Variants in SHANK2 observed in about 807,000 individuals in gnomAD.
SHANK2 encodes the protein SH3 and multiple ankyrin repeat domains protein 2.
In SHANK2, 43 loss-of-function variants were observed where a neutral mutation model predicts 133.7. The ratio of observed to expected loss-of-function variants is 0.32; its 90% CI spans 0.25 to 0.41. The LOEUF is 0.41. Ranked by LOEUF, SHANK2 falls within the 10% of genes least tolerant of loss-of-function variation. The probability of loss-of-function intolerance (pLI) is 1.00; values close to 1 mark genes in which losing one functional copy is unlikely to be tolerated. For missense variants in SHANK2, 1,994 were observed against 2,235.8 expected (o/e 0.89, Z 2.18); for synonymous variants, 1,017 against 952.8 (o/e 1.07, Z -1.24).
chr11:71,121,835 G>T (rs1555101530), intron 3 of SHANK2, among the ~76,000 whole-genome samples: 5 of 152,206 alleles, frequency 3.3e-5, no homozygotes. Flanking sequence ...AGTGGGCAAA[G>T]GATATGAACA....
In SHANK2 at chr11:71,133,444, G is replaced by A. The variant is rs149077589; in HGVS notation, c.207+13676C>T. Among the ~76,000 whole-genome samples, 1,123 of 145,130 alleles carry A rather than the reference G, an allele frequency of 7.7e-3. 43 individuals carry two copies. Among genetic ancestry groups the A allele is most frequent in the African/African-American group, 0.029 (1,060 of 36,082 alleles). On this transcript the variant is annotated intron_variant, in intron 3 of 25. Coordinates refer to ENST00000601538, the MANE Select transcript of SHANK2 (RefSeq NM_012309.5). ...CAGATGGAGGGAGGGAGGGAGGGAC[G>A]GACGGACAGACGGAGGGAGGGAGGG...
intron 17 of SHANK2, among the ~76,000 whole-genome samples, chr11:70,508,233 C>T (rs2059158716): frequency 6.6e-6 from 1 of 152,240 alleles, no homozygotes; most frequent in Admixed American, 6.5e-5. Flanking sequence ...GCTGGGCACA[C>T]ACCTGCCCTG....
intron 17 of SHANK2, among the ~76,000 whole-genome samples, chr11:70,593,752 G>A (rs981929562): frequency 2.6e-5 from 4 of 152,176 alleles, no homozygotes; most frequent in Non-Finnish European, 5.9e-5. Flanking sequence ...CCACCTTCTC[G>A]AGTGACAAGG....
At chr11:70,663,728 G>C (rs1313480404) in intron 15 of SHANK2, among the ~76,000 whole-genome samples, 3 of 152,158 alleles carry the variant, frequency 2.0e-5, no homozygotes. Context: ...TCCACTCTGG[G>C]GAACTCGGTC....
At chr11:71,059,644 C>A (rs1423899167) in intron 9 of SHANK2, among the ~76,000 whole-genome samples, 3 of 152,150 alleles carry the variant, frequency 2.0e-5, no homozygotes, top group African/African-American at 7.2e-5. Flanking sequence ...GGGTGGGGAG[C>A]CCACCAGGCC....
rs543882462 is a variant in SHANK2 at position 71,245,608 on chromosome 11, T to C, written c.-113+6817A>G. On this transcript the variant is annotated intron_variant, in intron 1 of 25. Coordinates refer to ENST00000601538, the MANE Select transcript of SHANK2 (RefSeq NM_012309.5). Reference sequence around the variant, plus strand: ...GAGGCCGGGGAAGCGACCGGTGCCTTCTTCTGCACGGTGGAGTGGGCAGCC... The same window carrying C: ...GAGGCCGGGGAAGCGACCGGTGCCTCCTTCTGCACGGTGGAGTGGGCAGCC... Among the ~76,000 whole-genome samples, 6 of 152,336 alleles carry C rather than the reference T, an allele frequency of 3.9e-5. No individual in the cohort carries two copies. In the East Asian group the frequency reaches 9.7e-4, roughly 25 times the overall value.
intron 17 of SHANK2, among the ~76,000 whole-genome samples, chr11:70,531,928 C>T (rs1016969133): frequency 7.2e-5 from 11 of 152,182 alleles, no homozygotes; most frequent in African/African-American, 2.7e-4. Context: ...ACAGTAGGGA[C>T]CAGATCTCTC....
intron 17 of SHANK2, chr11:70,566,541 C>G (rs1197216195): frequency 6.6e-6 from 1 of 152,214 alleles, no homozygotes; most frequent in Admixed American, 6.5e-5. Flanking sequence ...ACTGTCTGAA[C>G]CGCAACATGG....
intron 17 of SHANK2, among the ~76,000 whole-genome samples, chr11:70,558,118 A>C (rs1196220857): frequency 6.6e-6 from 1 of 152,062 alleles, no homozygotes; most frequent in Non-Finnish European, 1.5e-5. Flanking sequence ...CCAGCTGCCC[A>C]CCAAGGAGGC....
intron 17 of SHANK2, among the ~76,000 whole-genome samples, chr11:70,568,039 C>T (rs1435506155): frequency 1.3e-5 from 2 of 152,184 alleles, no homozygotes; most frequent in Non-Finnish European, 2.9e-5. Context: ...AGCTGATGGC[C>T]AGTACTGGAG....
At chr11:70,748,668 C>T (rs1283551145) in intron 14 of SHANK2, among the ~76,000 whole-genome samples, 2 of 152,196 alleles carry the variant, frequency 1.3e-5, no homozygotes, top group Admixed American at 1.3e-4. Flanking sequence ...ATACCCACCC[C>T]CAATATAATT....
intron 2 of SHANK2, among the ~76,000 whole-genome samples, chr11:71,214,055 C>T (rs138327557): frequency 6.6e-6 from 1 of 152,282 alleles, no homozygotes; most frequent in Non-Finnish European, 1.5e-5. Flanking sequence ...CCCTACAGCC[C>T]CAGGCCTGCT....
rs1216153003 is a variant in SHANK2 at position 71,083,983 on chromosome 11, G to GA, written c.912+8438_912+8439insT. 1.4e-3 allele frequency among the ~76,000 whole-genome samples: 205 copies of GA among 150,210 alleles called. 1 individual carries two copies. The highest frequency in any genetic ancestry group is 4.5e-3 in the African/African-American group (183 of 40,824). On this transcript the variant is annotated intron_variant, in intron 8 of 25. Transcript: ENST00000601538. ...ATTTGAATAACAACTTTTTTTTGGG[G>GA]GGGGGAGACAGAGTCTTGCTCTGTC... is the stretch of plus-strand genomic sequence containing the variant.
At chr11:70,888,405 T>A (rs1435950789) in intron 11 of SHANK2, among the ~76,000 whole-genome samples, 1 of 152,044 alleles carries the variant, frequency 6.6e-6, no homozygotes, top group Non-Finnish European at 1.5e-5. Context: ...AATGTTCGAG[T>A]CAGATAAAAC....
intron 9 of SHANK2, among the ~76,000 whole-genome samples, chr11:71,066,078 T>C: frequency 1.1e-5 from 1 of 91,010 alleles, no homozygotes; most frequent in African/African-American, 4.2e-5. Flanking sequence ...GAGCAGTGAG[T>C]GGGGAAGTTG....
At chr11:71,068,666 T>A (rs959879184) in intron 9 of SHANK2, among the ~76,000 whole-genome samples, 5 of 152,230 alleles carry the variant, frequency 3.3e-5, no homozygotes, top group Admixed American at 2.0e-4. Flanking sequence ...CTCTGAAGAT[T>A]CTTCAGCATC....
At chr11:70,767,709 G>A (rs114184524) in intron 14 of SHANK2, among the ~76,000 whole-genome samples, 1 of 151,514 alleles carries the variant, frequency 6.6e-6, no homozygotes, top group Non-Finnish European at 1.5e-5. Flanking sequence ...GGGGCATGAG[G>A]AGTGACTGCT....
intron 12 of SHANK2, among the ~76,000 whole-genome samples, chr11:70,811,086 C>T (rs1948268625): frequency 6.6e-6 from 1 of 152,126 alleles, no homozygotes. Flanking sequence ...TGATCAGTCC[C>T]CAAGCACCCG....
At chr11:71,120,544 C>G (rs1952063170) in intron 3 of SHANK2, among the ~76,000 whole-genome samples, 1 of 152,172 alleles carries the variant, frequency 6.6e-6, no homozygotes, top group Non-Finnish European at 1.5e-5. Flanking sequence ...AGAGTCCTCC[C>G]TGCCAGGAAA....
Sources: gnomAD v4.1 joint callset for allele counts (sites outside exome capture counted in the v4.1 genomes callset) on GRCh38, gnomAD v4.1.1 for gene constraint, MANE v1.5 for transcripts, NCBI Gene and HGNC (gene_info 2026-07-23, HGNC 2026-07-21) for gene names.